EPB41L3: variants seen among roughly 807,000 people sequenced by gnomAD.
EPB41L3 encodes band 4.1-like protein 3.
Under a neutral mutation model 127.1 loss-of-function variants are expected in EPB41L3, and 57 were observed. That is an observed-to-expected ratio of 0.45 (90% confidence interval 0.36 to 0.56). The LOEUF is 0.56. Ranked by LOEUF, EPB41L3 falls within the 20% of genes least tolerant of loss-of-function variation. The probability of loss-of-function intolerance (pLI) is 0.00; values close to 1 mark genes in which losing one functional copy is unlikely to be tolerated. For synonymous variants in EPB41L3, 572 were observed against 549.5 expected (o/e 1.04, Z -0.57); for missense variants, 1,273 against 1,372.2 (o/e 0.93, Z 1.14).
chr18:5,446,381 G>A (rs140098740), intron 3 of EPB41L3, among the ~76,000 whole-genome samples: 43 of 152,288 alleles, frequency 2.8e-4, no homozygotes, highest in Admixed American at 2.6e-3. Flanking sequence ...TTATTGTGAC[G>A]TATCATTTTT....
intron 2 of EPB41L3, among the ~76,000 whole-genome samples, chr18:5,485,847 A>G (rs1386112711): frequency 6.6e-6 from 1 of 152,076 alleles, no homozygotes; most frequent in Non-Finnish European, 1.5e-5. Context: ...GAGAATGCAA[A>G]AAATGGAAAG....
At chr18:5,419,633 C>T in intron 12 of EPB41L3, 78 bp downstream of exon 12, 3 of 1,578,474 alleles carry the variant, frequency 1.9e-6, no homozygotes, top group Non-Finnish European at 2.6e-6. Context: ...TGAGCACATT[C>T]CTGGTTTACA....
At chr18:5,396,121 G>A (rs1410829955) in intron 19 of EPB41L3, 80 bp downstream of exon 19, 17 of 1,522,934 alleles carry the variant, frequency 1.1e-5, no homozygotes, top group African/African-American at 5.5e-5. Flanking sequence ...ATTAAATATC[G>A]TGCAGTTCTA....
chr18:5,535,268 A>T (rs560150126), intron 1 of EPB41L3, among the ~76,000 whole-genome samples: 1 of 152,164 alleles, frequency 6.6e-6, no homozygotes, highest in Admixed American at 6.5e-5. Flanking sequence ...GCAGGAGGTA[A>T]GCAAAATGGA....
intron 1 of EPB41L3, among the ~76,000 whole-genome samples, chr18:5,531,875 CAGT>C (rs1340443537): frequency 1.3e-5 from 2 of 151,920 alleles, no homozygotes; most frequent in Non-Finnish European, 2.9e-5. Flanking sequence ...GTCAGTGGAG[CAGT>C]AGAAGAAACT....
chr18:5,578,384 C>T (rs534176711), intron 3 of EPB41L3, among the ~76,000 whole-genome samples: 60 of 152,306 alleles, frequency 3.9e-4, no homozygotes, highest in African/African-American at 1.3e-3. Flanking sequence ...ATGTGGAATT[C>T]TTCTTTAATG....
intron 1 of EPB41L3, among the ~76,000 whole-genome samples, chr18:5,540,797 T>C (rs1394033916): frequency 6.6e-6 from 1 of 151,954 alleles, no homozygotes; most frequent in African/African-American, 2.4e-5. Flanking sequence ...TCAAGAACCC[T>C]CTCTCCGCCG....
At position 5,406,980 on chromosome 18, in the gene EPB41L3, AC is replaced by A; in HGVS notation, c.2158-13del. On this transcript the variant is annotated splice_polypyrimidine_tract_variant and intron_variant, in intron 15 of 22. Coordinates refer to ENST00000341928, the MANE Select transcript of EPB41L3 (RefSeq NM_012307.5). Reference sequence around the variant, plus strand: ...GTTTTTTCTAGCTCCTATATTCAGAACATAAAGTATCCAACAGTCAATGTTT... The same window carrying A: ...GTTTTTTCTAGCTCCTATATTCAGAAATAAAGTATCCAACAGTCAATGTTT... 6.2e-7 allele frequency: 1 copy of A among 1,610,382 alleles called. No homozygotes were observed. Among genetic ancestry groups the A allele is most frequent in the Non-Finnish European group, 8.5e-7 (1 of 1,176,578 alleles).
chr18:5,628,426 G>C (rs1283329681), intron 1 of EPB41L3, among the ~76,000 whole-genome samples: 1 of 152,226 alleles, frequency 6.6e-6, no homozygotes, highest in Non-Finnish European at 1.5e-5. Context: ...GCCTGTGAGA[G>C]AGCCCCAAGG....
intron 3 of EPB41L3, among the ~76,000 whole-genome samples, chr18:5,604,029 A>ACAAG (rs150174251): frequency 2.4e-4 from 1 of 4,174 alleles, no homozygotes; most frequent in African/African-American, 3.3e-4. Context: ...ACGTGCACAC[A>ACAAG]CACACAGACA....
At position 5,543,240 on chromosome 18, in the gene EPB41L3, T is replaced by C. The variant is rs1240288652; in HGVS notation, c.-12+673A>G. Reference sequence around the variant, plus strand: ...ACCGGCCGGGGGCCGCTGCCCCAGTTTGGGGAACGAGGCAAGTTATATAAA... The same window carrying C: ...ACCGGCCGGGGGCCGCTGCCCCAGTCTGGGGAACGAGGCAAGTTATATAAA... On this transcript the variant is annotated intron_variant, in intron 1 of 22. Coordinates refer to ENST00000341928, the MANE Select transcript of EPB41L3 (RefSeq NM_012307.5). The surrounding 1 kb of genome is among the most constrained non-coding windows in gnomAD (Gnocchi z 5.2). The C allele has an allele frequency of 6.6e-6, 1 of 151,150 alleles. No homozygotes were observed. The highest frequency in any genetic ancestry group is 1.9e-4 in the East Asian group (1 of 5,146). 9.4% of individuals were successfully genotyped at this position (151,150 alleles called of 1,614,324 possible).
chr18:5,564,183 G>C (rs1471346697), intron 3 of EPB41L3, among the ~76,000 whole-genome samples: 1 of 152,090 alleles, frequency 6.6e-6, no homozygotes, highest in Non-Finnish European at 1.5e-5. Flanking sequence ...GTATCAAGGA[G>C]TGAAAGATTT....
At chr18:5,579,960 G>T (rs896477165) in intron 3 of EPB41L3, among the ~76,000 whole-genome samples, 6 of 152,124 alleles carry the variant, frequency 3.9e-5, no homozygotes, top group Admixed American at 1.3e-4. Context: ...TTTAAAATAT[G>T]ACCCTCAGTG....
At chr18:5,428,551 GA>G in intron 8 of EPB41L3, 86 bp from the exon 9 acceptor site, 1 of 1,499,512 alleles carries the variant, frequency 6.7e-7, no homozygotes, top group Non-Finnish European at 9.1e-7. Flanking sequence ...ATCCACGACA[GA>G]AACTATAAAT....
Position 5,474,843 on chromosome 18 carries a change from T to A in EPB41L3, c.381+3398A>T, listed in dbSNP as rs143729862. Reference sequence around the variant, plus strand: ...GGATGTGATATGGTCTGAGGCAGCATCTGAGGAATCAGTGGCTTCCATAAT... The same window carrying A: ...GGATGTGATATGGTCTGAGGCAGCAACTGAGGAATCAGTGGCTTCCATAAT... On this transcript the variant is annotated intron_variant, in intron 3 of 22. Coordinates refer to ENST00000341928, the MANE Select transcript of EPB41L3 (RefSeq NM_012307.5). Among the ~76,000 whole-genome samples the A allele has an allele frequency of 2.6e-5, 4 of 152,286 alleles. No homozygotes were observed. In the East Asian group the frequency reaches 7.7e-4, roughly 29 times the overall value.
intron 14 of EPB41L3, among the ~76,000 whole-genome samples, chr18:5,407,941 G>A (rs1426298327): frequency 6.6e-6 from 1 of 152,230 alleles, no homozygotes; most frequent in Non-Finnish European, 1.5e-5. Context: ...AGGAGTGGAA[G>A]AATTCTTGCC....
In EPB41L3 at chr18:5,607,671, C is replaced by T. The variant is rs530083312; in HGVS notation, c.-306+4669G>A. 7.9e-5 allele frequency among the ~76,000 whole-genome samples: 12 copies of T among 152,230 alleles called. No homozygotes were observed. The East Asian group carries it at 1.2e-3, about 15-fold the overall frequency. On this transcript the variant is annotated intron_variant, in intron 3 of 21. Coordinates refer to the EPB41L3 transcript ENST00000545076. ...TGACTTTTACTCCTAGGTTACCATCCATTCCATTAAAATATGTTTATACCA... is the reference window on the plus strand; with the variant it reads ...TGACTTTTACTCCTAGGTTACCATCTATTCCATTAAAATATGTTTATACCA...
intron 2 of EPB41L3, among the ~76,000 whole-genome samples, chr18:5,484,105 A>C (rs893411055): frequency 4.9e-5 from 7 of 141,846 alleles, no homozygotes; most frequent in African/African-American, 1.8e-4. Flanking sequence ...AAAAAAAAAA[A>C]AAAAAAAAAA....
rs1014239305 is a variant in EPB41L3 at position 5,424,490 on chromosome 18, A to C, written c.1066-131T>G. Reference sequence around the variant, plus strand: ...ACTTACTAGATCAATTGCTATATGCATAATTCATGCTATACAGATTCATTT... The same window carrying C: ...ACTTACTAGATCAATTGCTATATGCCTAATTCATGCTATACAGATTCATTT... On this transcript the variant is annotated intron_variant, in intron 9 of 22. Coordinates refer to ENST00000341928, the MANE Select transcript of EPB41L3 (RefSeq NM_012307.5). 11 of 638,956 alleles carry C rather than the reference A, an allele frequency of 1.7e-5. No individual in the cohort carries two copies. The East Asian group carries it at 2.9e-4, about 17-fold the overall frequency. 39.6% of individuals were successfully genotyped at this position (638,956 alleles called of 1,614,324 possible).
Sources: gnomAD v4.1 joint callset for allele counts (sites outside exome capture counted in the v4.1 genomes callset) on GRCh38, gnomAD v4.1.1 for gene constraint, Gnocchi (gnomAD v3.1) non-coding constraint, MANE v1.5 for transcripts, NCBI Gene and HGNC (gene_info 2026-07-23, HGNC 2026-07-21) for gene names.